The following STX8 variants were observed in gnomAD, a reference collection of about 807,000 sequenced individuals.
STX8 encodes syntaxin 8.
Under a neutral mutation model 37.5 loss-of-function variants are expected in STX8, and 23 were observed. The observed-to-expected ratio is 0.61, with a 90% CI of 0.44 to 0.87. The LOEUF (loss-of-function observed/expected upper bound fraction) is 0.87, where lower values mean the gene tolerates loss of function less well. STX8 is among the 40% of genes least tolerant of loss of function. The pLI, the probability that STX8 is intolerant of heterozygous loss-of-function variation, is 0.00. For synonymous variants in STX8, 115 were observed against 99.1 expected (o/e 1.16, Z -0.95); for missense variants, 313 against 284.7 (o/e 1.10, Z -0.71).
chr17:9,298,597 AG>A (rs756802710), intron 7 of STX8, among the ~76,000 whole-genome samples: 2 of 152,172 alleles, frequency 1.3e-5, no homozygotes, highest in Non-Finnish European at 2.9e-5. Context: ...AGATCACCTG[AG>A]GTCAGGAGAC....
At chr17:9,357,131 C>T (rs1454151841) in intron 7 of STX8, among the ~76,000 whole-genome samples, 4 of 151,876 alleles carry the variant, frequency 2.6e-5, no homozygotes, top group Non-Finnish European at 5.9e-5. Flanking sequence ...CCATGCCTGG[C>T]TAATTTTTGT....
intron 7 of STX8, among the ~76,000 whole-genome samples, chr17:9,289,836 A>G (rs1452615273): frequency 1.3e-5 from 2 of 152,182 alleles, no homozygotes; most frequent in Non-Finnish European, 2.9e-5. Flanking sequence ...AAGTTCCAAA[A>G]AAACACAAAA....
At chr17:9,473,675 T>A (rs1028479512) in intron 6 of STX8, among the ~76,000 whole-genome samples, 4 of 152,088 alleles carry the variant, frequency 2.6e-5, no homozygotes, top group African/African-American at 4.8e-5. Flanking sequence ...AAAAAAAAAA[T>A]TTGATTCTCA....
chr17:9,496,820 G>A (rs1904423664), intron 5 of STX8, among the ~76,000 whole-genome samples: 1 of 152,152 alleles, frequency 6.6e-6, no homozygotes. Context: ...GAAGACGAAA[G>A]AAGAGATGTG....
At chr17:9,328,053 C>T (rs532917387) in intron 7 of STX8, among the ~76,000 whole-genome samples, 4 of 151,036 alleles carry the variant, frequency 2.6e-5, no homozygotes, top group Admixed American at 1.3e-4. Context: ...CCTCTCCCCC[C>T]ACCCCCTCTC....
intron 6 of STX8, among the ~76,000 whole-genome samples, chr17:9,442,672 C>T (rs929924821): frequency 3.9e-5 from 6 of 152,124 alleles, no homozygotes; most frequent in Non-Finnish European, 5.9e-5. Flanking sequence ...CCTCCCAAAG[C>T]GCTGGGATTA....
At chr17:9,565,612 CAAAA>C (rs61319674) in intron 2 of STX8, among the ~76,000 whole-genome samples, 1 of 72,674 alleles carries the variant, frequency 1.4e-5, no homozygotes, top group Non-Finnish European at 2.8e-5. Flanking sequence ...AACACCGTCT[CAAAA>C]AAAAAAAAAA....
intron 7 of STX8, among the ~76,000 whole-genome samples, chr17:9,356,960 G>GAT (rs1262906790): frequency 1.6e-5 from 1 of 61,752 alleles, no homozygotes; most frequent in Admixed American, 2.5e-4. Flanking sequence ...CCTTTTAACA[G>GAT]TTTTTTTTTT....
chr17:9,404,518 G>A (rs2142324368), intron 6 of STX8, among the ~76,000 whole-genome samples: 1 of 151,974 alleles, frequency 6.6e-6, no homozygotes, highest in African/African-American at 2.4e-5. Flanking sequence ...GCAGTGGCGT[G>A]ATCTCAGCTC....
intron 6 of STX8, among the ~76,000 whole-genome samples, chr17:9,387,802 C>A (rs1912070445): frequency 6.6e-6 from 1 of 152,160 alleles, no homozygotes; most frequent in South Asian, 2.1e-4. Context: ...ATAAGAAAAT[C>A]AAGTGCAAAA....
At chr17:9,544,072 G>C (rs906614202) in intron 4 of STX8, among the ~76,000 whole-genome samples, 4 of 152,124 alleles carry the variant, frequency 2.6e-5, no homozygotes, top group African/African-American at 9.7e-5. Context: ...GTCAGAGGTG[G>C]AGTCTGACAA....
intron 6 of STX8, among the ~76,000 whole-genome samples, chr17:9,382,173 A>T (rs1430307087): frequency 2.3e-5 from 2 of 85,984 alleles, no homozygotes; most frequent in Admixed American, 9.8e-5. Context: ...GAAAACACTC[A>T]CACACACACA....
At chr17:9,277,066 G>C (rs1907702690) in intron 7 of STX8, among the ~76,000 whole-genome samples, 1 of 152,090 alleles carries the variant, frequency 6.6e-6, no homozygotes, top group African/African-American at 2.4e-5. Flanking sequence ...TCCTGCCTCA[G>C]CCTCTGGAGT....
In STX8 at chr17:9,291,090, T is replaced by C. The variant is rs139576427; in HGVS notation, c.644-40445A>G. On this transcript the variant is annotated intron_variant, in intron 7 of 7. Transcript: ENST00000306357. ...TTGTGTGTGTTGTATAAAATCACTG[T>C]AGAATTATATGCTTCAATTACTGAG... Among the ~76,000 whole-genome samples the C allele has an allele frequency of 2.1e-3, 321 of 152,324 alleles. 2 individuals carry two copies. The highest frequency in any genetic ancestry group is 7.5e-3 in the African/African-American group (310 of 41,568).
intron 7 of STX8, among the ~76,000 whole-genome samples, chr17:9,274,619 T>C (rs1421740085): frequency 1.3e-5 from 2 of 149,020 alleles, no homozygotes; most frequent in Non-Finnish European, 3.0e-5. Context: ...GAGCTTGCAG[T>C]GAGCCGAGAT....
intron 7 of STX8, among the ~76,000 whole-genome samples, chr17:9,263,401 C>T (rs547953764): frequency 2.5e-3 from 374 of 152,156 alleles, no homozygotes; most frequent in African/African-American, 8.7e-3. Context: ...ATCGCTTGAA[C>T]CTGGGAGGCG....
At chr17:9,489,309 C>T (rs1046357086) in intron 6 of STX8, among the ~76,000 whole-genome samples, 10 of 152,242 alleles carry the variant, frequency 6.6e-5, no homozygotes, top group Non-Finnish European at 1.3e-4. Context: ...AAAAAGAAAA[C>T]TAACACAGGT....
intron 6 of STX8, among the ~76,000 whole-genome samples, chr17:9,411,683 AG>A (rs1912984009): frequency 1.3e-5 from 2 of 152,330 alleles, no homozygotes; most frequent in Admixed American, 6.5e-5. Context: ...TCTGTCAGGA[AG>A]GGAGGGAGAA....
chr17:9,431,239 G>GTTT (rs35452165), intron 6 of STX8, among the ~76,000 whole-genome samples: 2 of 120,752 alleles, frequency 1.7e-5, no homozygotes, highest in African/African-American at 3.2e-5. Context: ...TTATTTTTCT[G>GTTT]TTTTTTTTTT....
Sources: allele counts gnomAD v4.1 joint callset (sites outside exome capture counted in the v4.1 genomes callset), GRCh38; gene constraint gnomAD v4.1.1; transcripts MANE v1.5; gene names NCBI Gene and HGNC (gene_info 2026-07-23, HGNC 2026-07-21).